The following REM2 variants were observed in gnomAD, a reference collection of about 807,000 sequenced individuals.
The protein encoded by REM2 is RRAD and GEM like GTPase 2.
Under a neutral mutation model 24.4 loss-of-function variants are expected in REM2, and 24 were observed. The ratio of observed to expected loss-of-function variants is 0.98; its 90% CI spans 0.71 to 1.38. The LOEUF is 1.38. Ranked by LOEUF, REM2 falls within the 40% of genes most tolerant of loss-of-function variation. The pLI is 0.00. For synonymous variants in REM2, 187 were observed against 198.0 expected, an observed-to-expected ratio of 0.94 and a Z score of 0.47; for missense variants, 429 against 467.8, an observed-to-expected ratio of 0.92 and a Z score of 0.77.
chr14:22,883,596 T>G (rs1438060464), intron 1 of REM2, among the ~76,000 whole-genome samples: 1 of 151,686 alleles, frequency 6.6e-6, no homozygotes, highest in Admixed American at 6.6e-5. Flanking sequence ...AAATGCCCCC[T>G]CCCCCAGCAC....
At position 22,887,019 on chromosome 14, in the gene REM2, A is replaced by T; in HGVS notation, c.*110A>T. On this transcript the variant is annotated 3_prime_UTR_variant, in exon 5 of 5. Coordinates refer to ENST00000267396, the MANE Select transcript of REM2 (RefSeq NM_173527.3). Reference sequence around the variant, plus strand: ...CTTCCTTGGTGGAGGCCGTCTAGGAAACCAAAAACTCCCAGGATGCCCCGG... The same window carrying T: ...CTTCCTTGGTGGAGGCCGTCTAGGATACCAAAAACTCCCAGGATGCCCCGG... 9.7e-7 allele frequency: 1 copy of T among 1,030,450 alleles called. No individual in the cohort carries two copies. Among genetic ancestry groups the T allele is most frequent in the Non-Finnish European group, 1.3e-6 (1 of 756,532 alleles). 63.8% of individuals were successfully genotyped at this position (1,030,450 alleles called of 1,614,324 possible).
chr14:22,887,050 C>T lies in REM2; in HGVS notation c.*141C>T, dbSNP rs1449907107. On this transcript the variant is annotated 3_prime_UTR_variant, in exon 5 of 5. Coordinates refer to ENST00000267396, the MANE Select transcript of REM2 (RefSeq NM_173527.3). Reference sequence around the variant, plus strand: ...AAACTCCCAGGATGCCCCGGTGTGACCGCCGGGGGCGGCCCGGGGCCGCTC... The same window carrying T: ...AAACTCCCAGGATGCCCCGGTGTGATCGCCGGGGGCGGCCCGGGGCCGCTC... The T allele has an allele frequency of 2.6e-5, 19 of 736,062 alleles. No homozygotes were observed. The East Asian group carries it at 6.3e-4, about 25-fold the overall frequency. The allele number at this position is 736,062 out of a possible 1,614,324, so 45.6% of individuals were successfully genotyped here. A position where few individuals can be genotyped will look rare whatever the true frequency, so the allele number is the denominator to read the frequency against.
chr14:22,883,899 TCACACACACA>T (rs35170959), intron 1 of REM2, among the ~76,000 whole-genome samples: 1 of 147,462 alleles, frequency 6.8e-6, no homozygotes, highest in Non-Finnish European at 1.5e-5. Context: ...TCCCTTTCGC[TCACACACACA>T]CACACACACA....
chr14:22,884,511 G>T lies in REM2; in HGVS notation c.104-163G>T, dbSNP rs189717936. 4.1e-6 allele frequency: 4 copies of T among 985,340 alleles called. No individual in the cohort carries two copies. In the African/African-American group the frequency reaches 5.2e-5, roughly 13 times the overall value. The allele number at this position is 985,340 out of a possible 1,614,324, so 61.0% of individuals were successfully genotyped here. On this transcript the variant is annotated intron_variant, in intron 1 of 4. Coordinates refer to ENST00000267396, the MANE Select transcript of REM2 (RefSeq NM_173527.3). ...AGTTCAGGCTTCTGGAGACTTTAGT[G>T]TAAGAGGTCAGGCCAGACATTCTCA...
chr14:22,885,099 G>A, intron 2 of REM2, 84 bp downstream of exon 2: 1 of 1,433,364 alleles, frequency 7.0e-7, no homozygotes, highest in Non-Finnish European at 9.4e-7. Flanking sequence ...AGCAGCCCCT[G>A]AAGGACAGAG....
At chr14:22,884,395 T>C in intron 1 of REM2, 1 of 985,474 alleles carries the variant, frequency 1.0e-6, no homozygotes, top group Non-Finnish European at 1.2e-6. Context: ...AGTGGGTATG[T>C]GAGCCTGCAT....
In REM2 at chr14:22,883,741, G is replaced by A. The variant is rs796218935; in HGVS notation, c.103+351G>A. On this transcript the variant is annotated intron_variant, in intron 1 of 4. Coordinates refer to ENST00000267396, the MANE Select transcript of REM2 (RefSeq NM_173527.3). ...GGGAATCACAGGCAGGGGCTACCCCGGGGAACTATTGTAAGGGTTCTTCTG... is the reference window on the plus strand; with the variant it reads ...GGGAATCACAGGCAGGGGCTACCCCAGGGAACTATTGTAAGGGTTCTTCTG... 2.7e-4 allele frequency among the ~76,000 whole-genome samples: 41 copies of A among 152,228 alleles called. 1 individual carries two copies. Among genetic ancestry groups the A allele is most frequent in the African/African-American group, 9.1e-4 (38 of 41,532 alleles).
At position 22,886,986 on chromosome 14, in the gene REM2, C is replaced by G; in HGVS notation, c.*77C>G. ...CGCCCCCCCTCGCCCCGCCCCGCCC[C>G]CGTCCGGCTTCCTTGGTGGAGGCCG... On this transcript the variant is annotated 3_prime_UTR_variant, in exon 5 of 5. Transcript: ENST00000267396. This position sits in a 1 kb window ranked among gnomAD's most constrained non-coding sequence, Gnocchi z 5.9. 1 of 1,264,676 alleles carries G rather than the reference C, an allele frequency of 7.9e-7. No individual in the cohort carries two copies. Among genetic ancestry groups the G allele is most frequent in the Non-Finnish European group, 1.0e-6 (1 of 960,672 alleles). 78.3% of individuals were successfully genotyped at this position (1,264,676 alleles called of 1,614,324 possible).
chr14:22,885,524 A>T (rs2040117129), intron 3 of REM2, among the ~76,000 whole-genome samples, 185 bp downstream of exon 3: 1 of 152,212 alleles, frequency 6.6e-6, no homozygotes, highest in African/African-American at 2.4e-5. Context: ...TAAGACCCAC[A>T]GTCTTTCCAG....
At position 22,887,315 on chromosome 14, in the gene REM2, T is replaced by C. The variant is rs992533978; in HGVS notation, c.*406T>C. ...TGCTTCGTAGACTCCTTGACGGAGTTTGCCTCCTTTGTACGCTGCGTGAAC... is the reference window on the plus strand; with the variant it reads ...TGCTTCGTAGACTCCTTGACGGAGTCTGCCTCCTTTGTACGCTGCGTGAAC... On this transcript the variant is annotated 3_prime_UTR_variant, in exon 5 of 5. Coordinates refer to ENST00000267396, the MANE Select transcript of REM2 (RefSeq NM_173527.3). 7 of 161,692 alleles carry C rather than the reference T, an allele frequency of 4.3e-5. No homozygotes were observed. The highest frequency in any genetic ancestry group is 1.7e-4 in the African/African-American group (7 of 41,852). The allele number at this position is 161,692 out of a possible 1,614,324, so 10.0% of individuals were successfully genotyped here. A position where few individuals can be genotyped will look rare whatever the true frequency, so the allele number is the denominator to read the frequency against.
In REM2 at chr14:22,886,483, C is replaced by G. The variant is rs1486896935; in HGVS notation, c.728-131C>G. ...CCACAGACCCACCATATGAGCTCAG[C>G]CATGTTCTCTCGGTTGCAAGATTCA... On this transcript the variant is annotated intron_variant, in intron 4 of 4. Coordinates refer to ENST00000267396, the MANE Select transcript of REM2 (RefSeq NM_173527.3). This position sits in a 1 kb window ranked among gnomAD's most constrained non-coding sequence, Gnocchi z 5.9. 11 of 882,292 alleles carry G rather than the reference C, an allele frequency of 1.2e-5. No homozygotes were observed. The highest frequency in any genetic ancestry group is 1.0e-5 in the Non-Finnish European group (6 of 593,654). 54.7% of individuals were successfully genotyped at this position (882,292 alleles called of 1,614,324 possible).
Position 22,886,395 on chromosome 14 carries a change from A to C in REM2, c.727+164A>C. Reference sequence around the variant, plus strand: ...AATGCCCCACTCGAGGATCCTGAGAATCCCTTCTTGTCACTTCCCCTCACC... The same window carrying C: ...AATGCCCCACTCGAGGATCCTGAGACTCCCTTCTTGTCACTTCCCCTCACC... On this transcript the variant is annotated intron_variant, in intron 4 of 4. Transcript: ENST00000267396. The surrounding 1 kb of genome is among the most constrained non-coding windows in gnomAD (Gnocchi z 5.9). 1.3e-6 allele frequency: 1 copy of C among 759,520 alleles called. No individual in the cohort carries two copies. Among genetic ancestry groups the C allele is most frequent in the Non-Finnish European group, 2.2e-6 (1 of 461,716 alleles). The allele number at this position is 759,520 out of a possible 1,614,324, so 47.0% of individuals were successfully genotyped here.
intron 3 of REM2, 75 bp downstream of exon 3, chr14:22,885,414 C>T (rs2040115663): frequency 1.9e-6 from 2 of 1,076,586 alleles, no homozygotes; most frequent in African/African-American, 3.1e-5. Context: ...TGGCTGAAGG[C>T]TGGTGGGACT....
At chr14:22,885,083 G>C in intron 2 of REM2, 68 bp downstream of exon 2, 1 of 1,466,518 alleles carries the variant, frequency 6.8e-7, no homozygotes, top group Non-Finnish European at 9.2e-7. Flanking sequence ...AAGTGCTCGT[G>C]ACCTGAGCAG....
chr14:22,883,228 G>C lies in REM2; in HGVS notation c.-60G>C. On this transcript the variant is annotated 5_prime_UTR_variant, in exon 1 of 5. Coordinates refer to ENST00000267396, the MANE Select transcript of REM2 (RefSeq NM_173527.3). ...AAAAGCTGACAGTGCTGCTGAGTGA[G>C]GGAGAGGGTGCTGCGAGCTGCTGGG... 1 of 877,384 alleles carries C rather than the reference G, an allele frequency of 1.1e-6. No individual in the cohort carries two copies. The allele number at this position is 877,384 out of a possible 1,614,324, so 54.3% of individuals were successfully genotyped here. A position where few individuals can be genotyped will look rare whatever the true frequency, so the allele number is the denominator to read the frequency against.
chr14:22,886,719 G>C lies in REM2; in HGVS notation c.833G>C (p.Arg278Pro). The C allele has an allele frequency of 6.6e-7, 1 of 1,516,226 alleles. No homozygotes were observed. 93.9% of individuals were successfully genotyped at this position (1,516,226 alleles called of 1,614,324 possible). The change falls in exon 5 of 5, where the codon CGG (arginine) becomes CCG (proline). Residue 278 changes from arginine (R) to proline (P), a missense_variant. Arg to Pro is a moderately radical substitution (Grantham distance 103, BLOSUM62 -2). Coordinates refer to ENST00000267396, the MANE Select transcript of REM2 (RefSeq NM_173527.3). The surrounding 1 kb of genome is among the most constrained non-coding windows in gnomAD (Gnocchi z 5.9). ...ELFEGAVRQI[R>P]LRRGRNHAGG... Reference sequence around the variant, plus strand: ...TTCGAGGGCGCGGTGCGCCAGATCCGGCTGCGGCGGGGCCGAAACCACGCC... The same window carrying C: ...TTCGAGGGCGCGGTGCGCCAGATCCCGCTGCGGCGGGGCCGAAACCACGCC...
Position 22,886,672 on chromosome 14 carries a change from G to A in REM2, c.786G>A (p.Leu262=). ...SCKHIETSAA[L]HHNTRELFEG... The stretch of plus-strand genomic sequence containing the variant: ...AGCACATCGAGACGTCGGCCGCACT[G>A]CACCACAACACGAGGGAGCTCTTCG... The change falls in exon 5 of 5, where the codon CTG becomes CTA. Residue 262 remains leucine, a synonymous_variant. Coordinates refer to ENST00000267396, the MANE Select transcript of REM2 (RefSeq NM_173527.3). The surrounding 1 kb of genome is among the most constrained non-coding windows in gnomAD (Gnocchi z 5.9). 6.8e-7 allele frequency: 1 copy of A among 1,481,146 alleles called. No homozygotes were observed. The highest frequency in any genetic ancestry group is 2.6e-5 in the Admixed American group (1 of 37,940). 91.8% of individuals were successfully genotyped at this position (1,481,146 alleles called of 1,614,324 possible). A position where few individuals can be genotyped will look rare whatever the true frequency, so the allele number is the denominator to read the frequency against.
chr14:22,883,370 C>A lies in REM2; in HGVS notation c.83C>A (p.Pro28His). ...LCPSGSRRAS[P>H]PGTPTPEADA... is the part of the protein sequence containing the mutation. ...CCCTCTGGCAGCCGCCGGGCCTCCC[C>A]TCCAGGGACGCCCACACCAGGTGAG... is the stretch of plus-strand genomic sequence containing the variant. The change falls in exon 1 of 5, where the codon CCT becomes CAT. Residue 28 changes from proline to histidine, a missense_variant. Coordinates refer to ENST00000267396, the MANE Select transcript of REM2 (RefSeq NM_173527.3). 6.4e-7 allele frequency: 1 copy of A among 1,555,090 alleles called. No homozygotes were observed. Among genetic ancestry groups the A allele is most frequent in the South Asian group, 1.2e-5 (1 of 84,218 alleles).
At chr14:22,883,997 G>A (rs1390939341) in intron 1 of REM2, 1 of 984,610 alleles carries the variant, frequency 1.0e-6, no homozygotes, top group African/African-American at 1.8e-5. Flanking sequence ...AGACAGGGAT[G>A]CAGGATTCTC....
Sources: allele counts gnomAD v4.1 joint callset (sites outside exome capture counted in the v4.1 genomes callset), GRCh38; gene constraint gnomAD v4.1.1; non-coding constraint Gnocchi (gnomAD v3.1); transcripts MANE v1.5; gene names NCBI Gene and HGNC (gene_info 2026-07-23, HGNC 2026-07-21).